FBXO43: variants seen among roughly 807,000 people sequenced by gnomAD.
FBXO43 encodes F-box only protein 43.
In FBXO43, 22 loss-of-function variants were observed where a neutral mutation model predicts 56.7. That is an observed-to-expected ratio of 0.39 (90% CI 0.28 to 0.55). FBXO43 has a LOEUF of 0.55. Among genes scored for constraint, FBXO43 ranks in the 20% least tolerant of loss-of-function variants. The pLI is 0.66. For synonymous variants in FBXO43, 306 were observed against 294.5 expected (o/e 1.04, Z -0.40); for missense variants, 733 against 814.9 (o/e 0.90, Z 1.22).
At chr8:100,142,448 C>A (rs1231753915) in intron 1 of FBXO43, among the ~76,000 whole-genome samples, 2 of 152,078 alleles carry the variant, frequency 1.3e-5, no homozygotes, top group African/African-American at 4.8e-5. Flanking sequence ...TTTTATTGAG[C>A]TACCCTAAAG....
At position 100,140,955 on chromosome 8, in the gene FBXO43, G is replaced by A; in HGVS notation, c.1299C>T (p.Ser433=). The A allele has an allele frequency of 1.2e-6, 2 of 1,614,194 alleles. No homozygotes were observed. Among genetic ancestry groups the A allele is most frequent in the Non-Finnish European group, 1.7e-6 (2 of 1,180,040 alleles). The change falls in exon 2 of 5, where the codon AGC becomes AGT. Residue 433 remains serine (S), a synonymous_variant. Transcript: ENST00000428847. ...SSDESGDLTF[S]LKNLSKTPAL... is the part of the protein sequence containing the mutation. ...CTGGGGTCTTTGATAAATTCTTTAA[G>A]CTAAAGGTCAAATCCCCACTCTCAT...
chr8:100,141,961 T>C lies in FBXO43; in HGVS notation c.293A>G (p.Glu98Gly). ...CTCATAGAGTAATGTTGGGCCTTTT[T>C]CTTTCTTTCCAAGATATTCTTTATC... Reference protein sequence around the residue: ...NIDKEYLGKKEKGPTLLYEHP... With the variant: ...NIDKEYLGKKGKGPTLLYEHP... The change falls in exon 2 of 5, where the codon GAA becomes GGA. Residue 98 changes from glutamate (E) to glycine (G), a missense_variant. Glu to Gly is a moderately conservative substitution (Grantham distance 98). Coordinates refer to ENST00000428847, the MANE Select transcript of FBXO43 (RefSeq NM_001029860.4). 6.2e-7 allele frequency: 1 copy of C among 1,606,290 alleles called. No homozygotes were observed. Among genetic ancestry groups the C allele is most frequent in the Non-Finnish European group, 8.5e-7 (1 of 1,177,094 alleles).
rs2132135988 is a variant in FBXO43 at position 100,141,586 on chromosome 8, A to C, written c.668T>G (p.Leu223Trp). 1.9e-6 allele frequency: 3 copies of C among 1,612,100 alleles called. No homozygotes were observed. The Admixed American group carries it at 5.0e-5, about 27-fold the overall frequency. ...TEEVTSCSQK[L>W]RLNFSQQKTS... ...CTTTTGCTGAGAAAAATTAAGCCTC[A>C]ATTTTTGACTGCATGAAGTCACTTC... The change falls in exon 2 of 5, where the codon TTG becomes TGG. Residue 223 changes from leucine (L) to tryptophan (W), a missense_variant. Leu to Trp is a moderately conservative substitution (Grantham distance 61). Coordinates refer to ENST00000428847, the MANE Select transcript of FBXO43 (RefSeq NM_001029860.4).
intron 3 of FBXO43, among the ~76,000 whole-genome samples, chr8:100,135,317 A>G (rs1271354051): frequency 1.3e-5 from 2 of 152,210 alleles, no homozygotes; most frequent in East Asian, 3.9e-4. Context: ...ATCCTTCTAT[A>G]GAAAATAGTA....
chr8:100,143,146 AT>A (rs1814710299), intron 1 of FBXO43, among the ~76,000 whole-genome samples: 1 of 152,164 alleles, frequency 6.6e-6, no homozygotes, highest in Admixed American at 6.5e-5. Flanking sequence ...AAGCTAACAA[AT>A]TTGTTTTGAC....
rs1172088492 is a variant in FBXO43 at position 100,134,145 on chromosome 8, C to T, written c.1878+16G>A. 1.2e-6 allele frequency: 2 copies of T among 1,607,732 alleles called. No individual in the cohort carries two copies. Among genetic ancestry groups the T allele is most frequent in the Non-Finnish European group, 1.7e-6 (2 of 1,176,284 alleles). ...AATATTTATTTCTAATAACTTATGA[C>T]ATAATAAATACTTACCTTAACATAT... is the stretch of plus-strand genomic sequence containing the variant. On this transcript the variant is annotated intron_variant, in intron 4 of 4. Coordinates refer to ENST00000428847, the MANE Select transcript of FBXO43 (RefSeq NM_001029860.4).
At position 100,137,590 on chromosome 8, in the gene FBXO43, A is replaced by G. The variant is rs1586342894; in HGVS notation, c.1649T>C (p.Ile550Thr). ...KNANRRRKFY[I>T]TQLKTDSEGA... ...CTCAGAATCTGTTTTCAGTTGTGTG[A>G]TATAAAATTTCCTCCTCCGATTTGC... Residue 550 changes from isoleucine to threonine, a missense_variant, in exon 3 of 5, where the codon ATC becomes ACC. Ile to Thr is a moderately conservative substitution (Grantham distance 89). Coordinates refer to ENST00000428847, the MANE Select transcript of FBXO43 (RefSeq NM_001029860.4). 6.2e-7 allele frequency: 1 copy of G among 1,611,162 alleles called. No individual in the cohort carries two copies. Among genetic ancestry groups the G allele is most frequent in the Non-Finnish European group, 8.5e-7 (1 of 1,178,112 alleles).
chr8:100,147,265 G>A (rs767214276), upstream of FBXO43, among the ~76,000 whole-genome samples: 2 of 152,250 alleles, frequency 1.3e-5, no homozygotes, highest in African/African-American at 2.4e-5. Context: ...AGCAAGTGCT[G>A]TAACAGAGGA....
chr8:100,149,996 G>A (rs1814889796), upstream of FBXO43, among the ~76,000 whole-genome samples: 1 of 152,112 alleles, frequency 6.6e-6, no homozygotes, highest in South Asian at 2.1e-4. Context: ...TTCTATGGTG[G>A]AATACATAGA....
Position 100,134,273 on chromosome 8 carries a change from G to C in FBXO43, c.1766C>G (p.Pro589Arg), listed in dbSNP as rs1442345564. The C allele has an allele frequency of 8.1e-6, 13 of 1,614,030 alleles. No individual in the cohort carries two copies. Among genetic ancestry groups the C allele is most frequent in the Non-Finnish European group, 1.1e-5 (13 of 1,180,036 alleles). Residue 589 changes from proline (P) to arginine (R), a missense_variant, in exon 4 of 5, where the codon CCT becomes CGT. Transcript: ENST00000428847. Reference sequence around the variant, plus strand: ...TGACCCTTGCTCTCTCTGAGAACCAGGTATCCTAGCCTGTGCCTGCACAGA... The same window carrying C: ...TGACCCTTGCTCTCTCTGAGAACCACGTATCCTAGCCTGTGCCTGCACAGA... ...LRSVQAQARI[P>R]GSQREQGSTL...
Position 100,137,653 on chromosome 8 carries a change from C to T in FBXO43, c.1586G>A (p.Ser529Asn), listed in dbSNP as rs1344346519. Residue 529 changes from serine (S) to asparagine (N), a missense_variant, in exon 3 of 5, where the codon AGC (serine) becomes AAC (asparagine). Coordinates refer to ENST00000428847, the MANE Select transcript of FBXO43 (RefSeq NM_001029860.4). Reference protein sequence around the residue: ...AESLCSVWKVSRNWREIVVQD... With the variant: ...AESLCSVWKVNRNWREIVVQD... Reference sequence around the variant, plus strand: ...AACAACAATTTCACGCCAATTTCTGCTTACTTTCCAAACACTATAACAAAA... The same window carrying T: ...AACAACAATTTCACGCCAATTTCTGTTTACTTTCCAAACACTATAACAAAA... 1.2e-6 allele frequency: 2 copies of T among 1,612,394 alleles called. No homozygotes were observed. The highest frequency in any genetic ancestry group is 2.7e-5 in the African/African-American group (2 of 74,846).
Position 100,134,159 on chromosome 8 carries a change from A to G in FBXO43, c.1878+2T>C, listed in dbSNP as rs1175098321. 1 of 1,612,384 alleles carries G rather than the reference A, an allele frequency of 6.2e-7. No homozygotes were observed. Among genetic ancestry groups the G allele is most frequent in the East Asian group, 2.2e-5 (1 of 44,872 alleles). On this transcript the variant is annotated splice_donor_variant, in intron 4 of 4. Transcript: ENST00000428847. LOFTEE classifies it high-confidence loss of function. ...ATAACTTATGACATAATAAATACTT[A>G]CCTTAACATATTCTTCCTGTTTACT...
At chr8:100,148,386 T>A (rs1008626490), upstream of FBXO43, among the ~76,000 whole-genome samples, 15 of 152,170 alleles carry the variant, frequency 9.9e-5, no homozygotes, top group Middle Eastern at 3.2e-3. Context: ...AGCTGTAATT[T>A]CATATTCTTT....
rs931471667 is a variant in FBXO43, at chr8:100,133,402, C to T, written c.*400G>A. 3.9e-5 allele frequency: 6 copies of T among 152,782 alleles called. No homozygotes were observed. Among genetic ancestry groups the T allele is most frequent in the African/African-American group, 1.4e-4 (6 of 41,410 alleles). The allele number at this position is 152,782 out of a possible 1,614,324, so 9.5% of individuals were successfully genotyped here. ...ATTTATATTTCATTTCAGTCAAGTA[C>T]TCATTTTCCAAATCTATAAGGCCAT... On this transcript the variant is annotated 3_prime_UTR_variant, in exon 5 of 5. Transcript: ENST00000428847.
Position 100,141,975 on chromosome 8 carries a change from A to G in FBXO43, c.279T>C (p.Tyr93=). The change falls in exon 2 of 5, where the codon TAT becomes TAC. Residue 93 remains tyrosine, a synonymous_variant. Coordinates refer to ENST00000428847, the MANE Select transcript of FBXO43 (RefSeq NM_001029860.4). ...TTGGGCCTTTTTCTTTCTTTCCAAG[A>G]TATTCTTTATCTATATTATCAAAGC... is the stretch of plus-strand genomic sequence containing the variant. ...SCSFDNIDKE[Y]LGKKEKGPTL... is the part of the protein sequence containing the mutation. The G allele has an allele frequency of 1.2e-6, 2 of 1,608,530 alleles. No homozygotes were observed. The highest frequency in any genetic ancestry group is 1.7e-6 in the Non-Finnish European group (2 of 1,178,136).
chr8:100,134,642 G>A (rs560163372), intron 3 of FBXO43, among the ~76,000 whole-genome samples: 1 of 151,268 alleles, frequency 6.6e-6, no homozygotes, highest in South Asian at 2.1e-4. Flanking sequence ...TTTTAAACTT[G>A]GTTCAGCAAA....
At chr8:100,143,008 A>G (rs1814705731) in intron 1 of FBXO43, among the ~76,000 whole-genome samples, 1 of 152,274 alleles carries the variant, frequency 6.6e-6, no homozygotes, top group African/African-American at 2.4e-5. Flanking sequence ...CAACTCAATT[A>G]CTTAAAGAAC....
chr8:100,138,454 T>C (rs1467746893), intron 2 of FBXO43, among the ~76,000 whole-genome samples: 3 of 152,134 alleles, frequency 2.0e-5, no homozygotes, highest in Non-Finnish European at 4.4e-5. Flanking sequence ...ATGTGCCCTA[T>C]ATCAGAGGGA....
Position 100,141,611 on chromosome 8 carries a change from C to A in FBXO43, c.643G>T (p.Glu215Ter). 1 of 1,612,844 alleles carries A rather than the reference C, an allele frequency of 6.2e-7. No homozygotes were observed. Among genetic ancestry groups the A allele is most frequent in the Non-Finnish European group, 8.5e-7 (1 of 1,179,944 alleles). ...PLVTSTLKTE[E>*]VTSCSQKLRL... ...AATTTTTGACTGCATGAAGTCACTT[C>A]TTCTGTTTTTAAAGTGCTAGTAACT... The change falls in exon 2 of 5, where the codon GAA becomes TAA. Residue 215 changes from glutamate (E) to a stop codon, truncating the protein, a stop_gained. Transcript: ENST00000428847. LOFTEE classifies it high-confidence loss of function.
Sources: allele counts gnomAD v4.1 joint callset (sites outside exome capture counted in the v4.1 genomes callset), GRCh38; gene constraint gnomAD v4.1.1; transcripts MANE v1.5; gene names NCBI Gene and HGNC (gene_info 2026-07-23, HGNC 2026-07-21).